The following KRT82 variants were observed in gnomAD, a reference collection of about 807,000 sequenced individuals.
KRT82 encodes keratin 82.
A neutral mutation model predicts 48.0 loss-of-function variants in KRT82; 44 were observed. The ratio of observed to expected loss-of-function variants is 0.92; its 90% confidence interval spans 0.72 to 1.18. KRT82 has a LOEUF of 1.18. Ranked by LOEUF, KRT82 falls within the 50% of genes most tolerant of loss-of-function variation. The pLI, the probability that KRT82 is intolerant of heterozygous loss-of-function variation, is 0.00. For missense variants in KRT82, 701 were observed against 671.4 expected (o/e 1.04, Z -0.49); for synonymous variants, 297 against 278.3 (o/e 1.07, Z -0.67).
intron 2 of KRT82, among the ~76,000 whole-genome samples, chr12:52,403,124 T>C (rs2121481903): frequency 6.6e-6 from 1 of 152,168 alleles, no homozygotes; most frequent in Admixed American, 6.5e-5. Context: ...GGGGAGCAAG[T>C]GTGGCAGAAG....
intron 4 of KRT82, 107 bp from the exon 5 acceptor site, chr12:52,400,256 G>C: frequency 8.7e-7 from 1 of 1,152,626 alleles, no homozygotes; most frequent in Non-Finnish European, 1.2e-6. Context: ...ATAGAACTCT[G>C]CTATGGCTGT....
chr12:52,400,737 G>A (rs913214391), intron 3 of KRT82, 115 bp from the exon 4 acceptor site: 1 of 723,598 alleles, frequency 1.4e-6, no homozygotes, highest in Non-Finnish European at 2.4e-6. Flanking sequence ...GGCATCGAAG[G>A]GGTGATGGAG....
In KRT82 at chr12:52,403,768, C is replaced by T. The variant is rs750740979; in HGVS notation, c.553G>A (p.Gly185Arg). ...ALRRQLDCVS[G>R]DRVRLESELC... ...TCTGACTCTAGCCTCACGCGGTCCCCGGACACACAGTCCAGCTGCCGCCGA... is the reference window on the plus strand; with the variant it reads ...TCTGACTCTAGCCTCACGCGGTCCCTGGACACACAGTCCAGCTGCCGCCGA... The change falls in exon 2 of 9, where the codon GGG becomes AGG. Residue 185 changes from glycine (G) to arginine (R), a missense_variant. Coordinates refer to ENST00000257974, the MANE Select transcript of KRT82 (RefSeq NM_033033.4). 2.7e-5 allele frequency: 43 copies of T among 1,613,334 alleles called. No individual in the cohort carries two copies. The highest frequency in any genetic ancestry group is 6.7e-5 in the Admixed American group (4 of 60,014).
At chr12:52,400,746 AGCCGAGGTGGG>A in intron 3 of KRT82, 124 bp from the exon 4 acceptor site, 2 of 677,604 alleles carry the variant, frequency 3.0e-6, no homozygotes, top group Admixed American at 2.4e-5. Flanking sequence ...GGGGTGATGG[AGCCGAGGTGGG>A]GAAAAAGGGG....
Position 52,395,107 on chromosome 12 carries a change from C to T in KRT82, c.1410G>A (p.Gly470=). 1 of 1,614,084 alleles carries T rather than the reference C, an allele frequency of 6.2e-7. No individual in the cohort carries two copies. Among genetic ancestry groups the T allele is most frequent in the Non-Finnish European group, 8.5e-7 (1 of 1,180,004 alleles). Reference sequence around the variant, plus strand: ...CACCAGTGCCCACGATGCTGCAGCCCCCATTGCTCCTGAGGACGCCAGTGC... The same window carrying T: ...CACCAGTGCCCACGATGCTGCAGCCTCCATTGCTCCTGAGGACGCCAGTGC... ...VLSTGVLRSN[G]GCSIVGTGEL... is the part of the protein sequence containing the mutation. Residue 470 remains glycine (G), a synonymous_variant, in exon 9 of 9, where the codon GGG becomes GGA. Coordinates refer to ENST00000257974, the MANE Select transcript of KRT82 (RefSeq NM_033033.4).
At chr12:52,398,055 TAAAC>T (rs1213588349) in intron 5 of KRT82, among the ~76,000 whole-genome samples, 1 of 151,954 alleles carries the variant, frequency 6.6e-6, no homozygotes, top group African/African-American at 2.4e-5. Flanking sequence ...CATCTCAAAA[TAAAC>T]AAACAAACAA....
intron 5 of KRT82, 80 bp downstream of exon 5, chr12:52,399,905 C>A: frequency 7.0e-7 from 1 of 1,436,002 alleles, no homozygotes; most frequent in Non-Finnish European, 9.7e-7. Context: ...CCCACTTCTG[C>A]GGAGAAGGAG....
At chr12:52,401,431 A>G (rs1323365114) in intron 2 of KRT82, 82 bp from the exon 3 acceptor site, 1 of 1,372,322 alleles carries the variant, frequency 7.3e-7, no homozygotes, top group Non-Finnish European at 1.0e-6. Context: ...TTTGGGGGCA[A>G]CTCTGCCTGT....
At chr12:52,401,224 G>A in intron 3 of KRT82, 65 bp downstream of exon 3, 1 of 1,392,608 alleles carries the variant, frequency 7.2e-7, no homozygotes, top group Non-Finnish European at 1.0e-6. Context: ...CTGAGTTCAG[G>A]GCTAGGTGGC....
intron 3 of KRT82, 151 bp from the exon 4 acceptor site, chr12:52,400,773 A>T: frequency 1.6e-6 from 1 of 617,214 alleles, no homozygotes; most frequent in Middle Eastern, 3.8e-4. Context: ...AGGGGTCCCT[A>T]GCCCTGGGAC....
chr12:52,397,036 A>G (rs561869798), intron 5 of KRT82, 28 bp from the exon 6 acceptor site: 1 of 1,610,476 alleles, frequency 6.2e-7, no homozygotes, highest in African/African-American at 1.3e-5. Flanking sequence ...TCAGAGCCCC[A>G]GGCCCCACAA....
chr12:52,399,864 G>T, intron 5 of KRT82, 121 bp downstream of exon 5: 1 of 981,078 alleles, frequency 1.0e-6, no homozygotes, highest in African/African-American at 1.6e-5. Context: ...CCCTGTGTCT[G>T]TGGCATGGCG....
chr12:52,404,641 A>G (rs115918211), intron 1 of KRT82, among the ~76,000 whole-genome samples: 175 of 152,362 alleles, frequency 1.1e-3, no homozygotes, highest in African/African-American at 3.9e-3. Context: ...AGAAAACTAC[A>G]GAAGTATCAT....
chr12:52,396,211 T>C lies in KRT82; in HGVS notation c.1090A>G (p.Ile364Val). Reference sequence around the variant, plus strand: ...TCGCCCTGCTGCTCTGCCTCAGCTATGGCACCCTCAAGTTTGCAGCGCTGT... The same window carrying C: ...TCGCCCTGCTGCTCTGCCTCAGCTACGGCACCCTCAAGTTTGCAGCGCTGT... ...KAQRCKLEGA[I>V]AEAEQQGEAA... The change falls in exon 7 of 9, where the codon ATA becomes GTA. Residue 364 changes from isoleucine to valine, a missense_variant. Coordinates refer to ENST00000257974, the MANE Select transcript of KRT82 (RefSeq NM_033033.4). 1.2e-6 allele frequency: 2 copies of C among 1,613,646 alleles called. No individual in the cohort carries two copies. Among genetic ancestry groups the C allele is most frequent in the Non-Finnish European group, 1.7e-6 (2 of 1,180,022 alleles).
intron 7 of KRT82, 91 bp downstream of exon 7, chr12:52,395,921 C>A: frequency 6.4e-7 from 1 of 1,555,720 alleles, no homozygotes; most frequent in Non-Finnish European, 8.8e-7. Flanking sequence ...GGGTAGGGGA[C>A]GGGGTGAGAG....
Position 52,396,182 on chromosome 12 carries a change from C to T in KRT82, c.1119G>A (p.Ala373=), listed in dbSNP as rs574143770. 4.8e-5 allele frequency: 78 copies of T among 1,614,182 alleles called. No homozygotes were observed. The highest frequency in any genetic ancestry group is 1.6e-4 in the Middle Eastern group (1 of 6,062). The change falls in exon 7 of 9, where the codon GCG becomes GCA. Residue 373 remains alanine (A), a synonymous_variant. Coordinates refer to ENST00000257974, the MANE Select transcript of KRT82 (RefSeq NM_033033.4). ...GCTTGCACTTGGCATCATTGAGAGC[C>T]GCCTCGCCCTGCTGCTCTGCCTCAG... ...AIAEAEQQGE[A]ALNDAKCKLA...
chr12:52,403,783 G>C lies in KRT82; in HGVS notation c.538C>G (p.Leu180Val). ...ACGCGGTCCCCGGACACACAGTCCA[G>C]CTGCCGCCGAAGGGCGCTGATATAG... ...EGYISALRRQ[L>V]DCVSGDRVRL... Residue 180 changes from leucine to valine, a missense_variant, in exon 2 of 9, where the codon CTG becomes GTG. Leu to Val is a conservative substitution (Grantham distance 32). Coordinates refer to ENST00000257974, the MANE Select transcript of KRT82 (RefSeq NM_033033.4). 6.2e-7 allele frequency: 1 copy of C among 1,613,582 alleles called. No individual in the cohort carries two copies. Among genetic ancestry groups the C allele is most frequent in the Non-Finnish European group, 8.5e-7 (1 of 1,180,002 alleles).
intron 6 of KRT82, among the ~76,000 whole-genome samples, 169 bp downstream of exon 6, chr12:52,396,714 T>C (rs1233446135): frequency 6.6e-6 from 1 of 152,192 alleles, no homozygotes; most frequent in Non-Finnish European, 1.5e-5. Flanking sequence ...CATCCTGCTG[T>C]GGGTCAGCCC....
At position 52,396,944 on chromosome 12, in the gene KRT82, A is replaced by G; in HGVS notation, c.1007T>C (p.Ile336Thr). ...CTGGATCAGTTTATTCATTTCCAGGATCTCGTTCTTACGGTTGCGGAGGTT... is the reference window on the plus strand; with the variant it reads ...CTGGATCAGTTTATTCATTTCCAGGGTCTCGTTCTTACGGTTGCGGAGGTT... ...CDNLRNRKNE[I>T]LEMNKLIQRL... The change falls in exon 6 of 9, where the codon ATC becomes ACC. Residue 336 changes from isoleucine to threonine, a missense_variant. Transcript: ENST00000257974. The G allele has an allele frequency of 6.2e-7, 1 of 1,613,874 alleles. No individual in the cohort carries two copies. The highest frequency in any genetic ancestry group is 8.5e-7 in the Non-Finnish European group (1 of 1,179,972).
Sources: gnomAD v4.1 joint callset for allele counts (sites outside exome capture counted in the v4.1 genomes callset) on GRCh38, gnomAD v4.1.1 for gene constraint, MANE v1.5 for transcripts, NCBI Gene and HGNC (gene_info 2026-07-23, HGNC 2026-07-21) for gene names.